Variants in UBR4 observed in about 807,000 individuals in gnomAD.
UBR4 encodes the protein E3 ubiquitin-protein ligase UBR4.
In UBR4, 124 loss-of-function variants were observed where a neutral mutation model predicts 575.6. That is an observed-to-expected ratio of 0.22 (90% CI 0.19 to 0.25). UBR4 has a LOEUF of 0.25. Among genes scored for constraint, UBR4 ranks in the 10% least tolerant of loss-of-function variants. UBR4 has a pLI of 1.00. For missense variants in UBR4, 4,818 were observed against 6,478.8 expected, an observed-to-expected ratio of 0.74 and a Z score of 8.80; for synonymous variants, 2,455 against 2,473.7, an observed-to-expected ratio of 0.99 and a Z score of 0.22.
In UBR4 at chr1:19,151,629, G is replaced by T; in HGVS notation, c.7213+14C>A. ...CAATGAGGACAGAGTCTGCACCAGGGGTTGGTGACTCACTGAAGAGGTTCA... is the reference window on the plus strand; with the variant it reads ...CAATGAGGACAGAGTCTGCACCAGGTGTTGGTGACTCACTGAAGAGGTTCA... On this transcript the variant is annotated intron_variant, in intron 48 of 105. Transcript: ENST00000375254. The T allele has an allele frequency of 1.9e-6, 3 of 1,613,736 alleles. No homozygotes were observed. The highest frequency in any genetic ancestry group is 2.5e-6 in the Non-Finnish European group (3 of 1,179,620).
In UBR4 at chr1:19,157,017, G is replaced by T; in HGVS notation, c.5761-92C>A. 1.4e-6 allele frequency: 2 copies of T among 1,412,176 alleles called. No homozygotes were observed. The highest frequency in any genetic ancestry group is 9.5e-7 in the Non-Finnish European group (1 of 1,049,996). The allele number at this position is 1,412,176 out of a possible 1,614,324, so 87.5% of individuals were successfully genotyped here. A position where few individuals can be genotyped will look rare whatever the true frequency, so the allele number is the denominator to read the frequency against. The stretch of plus-strand genomic sequence containing the variant: ...AAAAACTCTTTCAATAGGGATAACA[G>T]GTTGCACACTTTTTTCTTTACAGAT... On this transcript the variant is annotated intron_variant, in intron 40 of 105. Transcript: ENST00000375254. This position sits in a 1 kb window ranked among gnomAD's most constrained non-coding sequence, Gnocchi z 4.4.
chr1:19,172,178 T>C (rs2089651441), intron 25 of UBR4, among the ~76,000 whole-genome samples: 1 of 152,170 alleles, frequency 6.6e-6, no homozygotes, highest in South Asian at 2.1e-4. Context: ...TTCTAACTCA[T>C]TTAGAGATTT....
At chr1:19,112,903 A>C in intron 77 of UBR4, 36 bp from the exon 78 acceptor site, 1 of 1,515,518 alleles carries the variant, frequency 6.6e-7, no homozygotes, top group East Asian at 2.3e-5. Flanking sequence ...GGGAATTAGC[A>C]ATTAAAATAA....
rs774738044 is a variant in UBR4, at chr1:19,104,729, C to T, written c.12646-63G>A. On this transcript the variant is annotated intron_variant, in intron 85 of 105. Transcript: ENST00000375254. ...TGCCAAGGATACCAGTTACCTCCACCACTGTCCCAGGAGCTTGCAGCACCA... is the reference window on the plus strand; with the variant it reads ...TGCCAAGGATACCAGTTACCTCCACTACTGTCCCAGGAGCTTGCAGCACCA... The T allele has an allele frequency of 1.4e-5, 21 of 1,536,008 alleles. No individual in the cohort carries two copies. In the African/African-American group the frequency reaches 1.8e-4, roughly 13 times the overall value.
chr1:19,176,021 A>G (rs2090212762), intron 20 of UBR4, among the ~76,000 whole-genome samples: 1 of 152,132 alleles, frequency 6.6e-6, no homozygotes, highest in East Asian at 1.9e-4. Flanking sequence ...TCCTGGGTTC[A>G]AGCGATCTTC....
In UBR4 at chr1:19,164,323, G is replaced by A. The variant is rs781678392; in HGVS notation, c.4630C>T (p.Leu1544=). 7 of 1,614,102 alleles carry A rather than the reference G, an allele frequency of 4.3e-6. No individual in the cohort carries two copies. The highest frequency in any genetic ancestry group is 5.9e-6 in the Non-Finnish European group (7 of 1,180,052). The change falls in exon 33 of 106, where the codon CTG becomes TTG. Residue 1544 remains leucine (L), a synonymous_variant. Transcript: ENST00000375254. ...CCAGCACCTTGACCTGCACTGGCCA[G>A]AGTGGCCATCACAACCATAAGTTCA... ...FPELMVVMAT[L]ASAGQGAGHL...
In UBR4 at chr1:19,210,235, C is replaced by T; in HGVS notation, c.14G>A (p.Gly5Asp). The change falls in exon 1 of 106, where the codon GGC becomes GAC. Residue 5 changes from glycine (G) to aspartate (D), a missense_variant. By Grantham distance (94) the Gly-to-Asp change is moderately conservative. Transcript: ENST00000375254. MATS[G>D]GEEAAAAAPA... ...AGCCGCTGCCGCCGCCTCTTCGCCG[C>T]CGCTCGTCGCCATCTTCCGTCGTAC... 7.0e-7 allele frequency: 1 copy of T among 1,430,040 alleles called. No homozygotes were observed. The highest frequency in any genetic ancestry group is 1.5e-5 in the African/African-American group (1 of 67,092). 88.6% of individuals were successfully genotyped at this position (1,430,040 alleles called of 1,614,324 possible).
rs1334229681 is a variant in UBR4, at chr1:19,086,224, C to T, written c.14734G>A (p.Ala4912Thr). 6.2e-7 allele frequency: 1 copy of T among 1,614,032 alleles called. No individual in the cohort carries two copies. Among genetic ancestry groups the T allele is most frequent in the Non-Finnish European group, 8.5e-7 (1 of 1,180,026 alleles). ...AGGAGCCCGTTGCACTTGGTGTTGG[C>T]ATTCTGCAGGGCGGCACTCTCCCAC... ...EEWESAALQN[A>T]NTKCNGLLPV... Residue 4912 changes from alanine to threonine, a missense_variant, in exon 101 of 106, where the codon GCC (alanine) becomes ACC (threonine). Coordinates refer to ENST00000375254, the MANE Select transcript of UBR4 (RefSeq NM_020765.3).
rs774654557 is a variant in UBR4, at chr1:19,201,756, G to A, written c.236C>T (p.Ala79Val). 1 of 1,614,080 alleles carries A rather than the reference G, an allele frequency of 6.2e-7. No individual in the cohort carries two copies. Among genetic ancestry groups the A allele is most frequent in the Non-Finnish European group, 8.5e-7 (1 of 1,179,954 alleles). Reference sequence around the variant, plus strand: ...TGTTGTAATATAGTGTGTGGAAAGTGCAACAAAAGATGAGTAGAATGGCTC... The same window carrying A: ...TGTTGTAATATAGTGTGTGGAAAGTACAACAAAAGATGAGTAGAATGGCTC... ...QYEPFYSSFVALSTHYITTVC... is the reference protein window; with the variant it reads ...QYEPFYSSFVVLSTHYITTVC... Residue 79 changes from alanine (A) to valine (V), a missense_variant, in exon 2 of 106, where the codon GCA becomes GTA. By Grantham distance (64) the Ala-to-Val change is moderately conservative. Transcript: ENST00000375254.
intron 94 of UBR4, among the ~76,000 whole-genome samples, chr1:19,094,590 T>G (rs2077841496): frequency 1.3e-5 from 2 of 152,184 alleles, no homozygotes. Flanking sequence ...GGAAATGAAG[T>G]GGGCTATTCA....
intron 86 of UBR4, 96 bp downstream of exon 86, chr1:19,104,489 C>A (rs562289889): frequency 2.3e-4 from 314 of 1,380,386 alleles, no homozygotes; most frequent in Non-Finnish European, 3.0e-4. Flanking sequence ...AGGTCAGTAC[C>A]AGAGAGAAGA....
rs1235160109 is a variant in UBR4, at chr1:19,207,870, T to C, written c.176+2203A>G. On this transcript the variant is annotated intron_variant, in intron 1 of 105. Transcript: ENST00000375254. The stretch of plus-strand genomic sequence containing the variant: ...ATAGATATAATTTTAAACACAGCCA[T>C]GCCCATTCATTTATATATGGTGTGT... Among the ~76,000 whole-genome samples, 3 of 152,222 alleles carry C rather than the reference T, an allele frequency of 2.0e-5. No homozygotes were observed. The East Asian group carries it at 5.8e-4, about 29-fold the overall frequency.
chr1:19,192,391 G>C lies in UBR4; in HGVS notation c.1204-13C>G, dbSNP rs371149197. On this transcript the variant is annotated splice_polypyrimidine_tract_variant and intron_variant, in intron 10 of 105. Coordinates refer to ENST00000375254, the MANE Select transcript of UBR4 (RefSeq NM_020765.3). ...AATTCTGATAGTGCTGTTGTGAAAG[G>C]CACAAAATAAAAAACATAATCATAG... The C allele has an allele frequency of 2.5e-6, 4 of 1,613,814 alleles. No homozygotes were observed. The highest frequency in any genetic ancestry group is 1.3e-5 in the African/African-American group (1 of 74,874).
At chr1:19,148,764 G>A (rs1571133393) in intron 49 of UBR4, 138 bp from the exon 50 acceptor site, 1 of 864,818 alleles carries the variant, frequency 1.2e-6, no homozygotes, top group Non-Finnish European at 1.8e-6. Flanking sequence ...AATAAGACCT[G>A]CCACAGGCAC....
chr1:19,161,939 G>A, intron 35 of UBR4, 42 bp from the exon 36 acceptor site: 1 of 1,607,894 alleles, frequency 6.2e-7, no homozygotes, highest in East Asian at 2.2e-5. Context: ...ATATATCCCT[G>A]CATATAAACA....
At position 19,117,382 on chromosome 1, in the gene UBR4, C is replaced by T. The variant is rs61996287; in HGVS notation, c.10662G>A (p.Thr3554=). Residue 3554 remains threonine, a synonymous_variant, in exon 73 of 106, where the codon ACG becomes ACA. Transcript: ENST00000375254. This position sits in a 1 kb window ranked among gnomAD's most constrained non-coding sequence, Gnocchi z 4.0. ...YIKLSSIKVD[T]RYTTTQQVVK... ...CAACCTGCTGGGTGGTGGTGTACCGCGTGTCCACTTTAATGGAAGACAGCT... is the reference window on the plus strand; with the variant it reads ...CAACCTGCTGGGTGGTGGTGTACCGTGTGTCCACTTTAATGGAAGACAGCT... The T allele has an allele frequency of 1.6e-3, 2,550 of 1,614,102 alleles. 28 individuals are homozygous for T. In the African/African-American group the frequency reaches 0.026, roughly 16 times the overall value.
In UBR4 at chr1:19,088,819, T is replaced by C; in HGVS notation, c.14370A>G (p.Ala4790=). The stretch of plus-strand genomic sequence containing the variant: ...TTGCCATGGCCATGCGCTTCTTCTC[T>C]GCCCGGGTCTCCCTGCGGGCTGCGT... ...KIDAARRETR[A]EKKRMAMAMR... is the part of the protein sequence containing the mutation. The change falls in exon 98 of 106, where the codon GCA becomes GCG. Residue 4790 remains alanine (A), a synonymous_variant. Coordinates refer to ENST00000375254, the MANE Select transcript of UBR4 (RefSeq NM_020765.3). This position sits in a 1 kb window ranked among gnomAD's most constrained non-coding sequence, Gnocchi z 4.0. 6.2e-7 allele frequency: 1 copy of C among 1,614,072 alleles called. No individual in the cohort carries two copies.
chr1:19,080,345 T>A (rs1324081809), intron 103 of UBR4: 1 of 152,218 alleles, frequency 6.6e-6, no homozygotes, highest in African/African-American at 2.4e-5. Flanking sequence ...CTGGTCTCTC[T>A]GGGAGCGTGA....
intron 17 of UBR4, among the ~76,000 whole-genome samples, chr1:19,182,788 TATC>T (rs1323879999): frequency 6.6e-6 from 1 of 152,192 alleles, no homozygotes; most frequent in Non-Finnish European, 1.5e-5. Flanking sequence ...TACAGTACTA[TATC>T]ATACTACATG....
Sources: gnomAD v4.1 joint callset for allele counts (sites outside exome capture counted in the v4.1 genomes callset) on GRCh38, gnomAD v4.1.1 for gene constraint, Gnocchi (gnomAD v3.1) non-coding constraint, MANE v1.5 for transcripts, NCBI Gene and HGNC (gene_info 2026-07-23, HGNC 2026-07-21) for gene names.